Variants in DNAH9 observed in about 807,000 individuals in gnomAD.
DNAH9 encodes the protein DNAH9 variant protein.
DNAH9 carries 345 observed loss-of-function variants against 471.6 expected under a neutral mutation model. That is an observed-to-expected ratio of 0.73 (90% CI 0.67 to 0.80). DNAH9 has a LOEUF of 0.80. Among genes scored for constraint, DNAH9 ranks in the 30% least tolerant of loss-of-function variants. DNAH9 has a pLI of 0.00. For missense variants in DNAH9, 5,407 were observed against 5,609.2 expected (o/e 0.96, Z 1.15); for synonymous variants, 2,093 against 2,123.6 (o/e 0.99, Z 0.40).
Position 11,932,782 on chromosome 17 carries a change from G to A in DNAH9, c.12297+577G>A, listed in dbSNP as rs900420365. 9.2e-5 allele frequency among the ~76,000 whole-genome samples: 14 copies of A among 152,002 alleles called. No homozygotes were observed. Among genetic ancestry groups the A allele is most frequent in the East Asian group, 3.9e-4 (2 of 5,184 alleles). Reference sequence around the variant, plus strand: ...AGTCAGTCCCATGAGAGTTTGTCCCGGGCCCCACCAGACCATACCTATGTC... The same window carrying A: ...AGTCAGTCCCATGAGAGTTTGTCCCAGGCCCCACCAGACCATACCTATGTC... On this transcript the variant is annotated intron_variant, in intron 64 of 68. Coordinates refer to ENST00000262442, the MANE Select transcript of DNAH9 (RefSeq NM_001372.4). This position sits in a 1 kb window ranked among gnomAD's most constrained non-coding sequence, Gnocchi z 4.3.
intron 41 of DNAH9, among the ~76,000 whole-genome samples, chr17:11,789,497 C>G (rs1356242268): frequency 6.6e-6 from 1 of 151,880 alleles, no homozygotes; most frequent in East Asian, 1.9e-4. Flanking sequence ...TTTTAAATAT[C>G]TGCTGTATCT....
In DNAH9 at chr17:11,768,443, G is replaced by A; in HGVS notation, c.7171-10G>A. 6.2e-7 allele frequency: 1 copy of A among 1,610,886 alleles called. No homozygotes were observed. The highest frequency in any genetic ancestry group is 8.5e-7 in the Non-Finnish European group (1 of 1,177,308). On this transcript the variant is annotated splice_polypyrimidine_tract_variant and intron_variant, in intron 36 of 68. Transcript: ENST00000262442. ...AGGACCTTGTCCCCTGACTGTCTTT[G>A]TTTTTGCAGCTTGTGGACTACCGGG...
At chr17:11,788,942 T>C (rs528635666) in intron 41 of DNAH9, among the ~76,000 whole-genome samples, 3 of 152,246 alleles carry the variant, frequency 2.0e-5, no homozygotes, top group Non-Finnish European at 2.9e-5. Flanking sequence ...GTTTTAATTA[T>C]GAATATGTGT....
intron 53 of DNAH9, among the ~76,000 whole-genome samples, chr17:11,879,015 A>G (rs943879823): frequency 6.6e-5 from 10 of 152,212 alleles, no homozygotes; most frequent in African/African-American, 2.2e-4. Context: ...TCTTTCCTCA[A>G]TTAATTAGAC....
chr17:11,797,675 T>A lies in DNAH9; in HGVS notation c.8302T>A (p.Tyr2768Asn), dbSNP rs980165799. 4 of 1,614,180 alleles carry A rather than the reference T, an allele frequency of 2.5e-6. No individual in the cohort carries two copies. The highest frequency in any genetic ancestry group is 3.4e-6 in the Non-Finnish European group (4 of 1,180,038). The stretch of plus-strand genomic sequence containing the variant: ...TGCAAATGGTATTGGGGAGCCCAAA[T>A]ACATGCCTGTACAGTCTTGGGAACT... ...HFANGIGEPK[Y>N]MPVQSWELLT... Residue 2768 changes from tyrosine to asparagine, a missense_variant, in exon 43 of 69, where the codon TAC becomes AAC. This residue lies in a region of DNAH9 where 4,636 missense variants were observed against 4,900.3 expected (regional missense o/e 0.95). Coordinates refer to ENST00000262442, the MANE Select transcript of DNAH9 (RefSeq NM_001372.4).
chr17:11,887,699 A>G (rs1237381395), intron 57 of DNAH9, among the ~76,000 whole-genome samples: 1 of 151,764 alleles, frequency 6.6e-6, no homozygotes, highest in East Asian at 1.9e-4. Context: ...GAGAGACCAT[A>G]TGTATATAGA....
In DNAH9 at chr17:11,690,042, A is replaced by G. The variant is rs1024946239; in HGVS notation, c.4220A>G (p.His1407Arg). ...ATGGACCAGGACACCACCCTAGCGC[A>G]CCTGCTGCAGCTCCAGCTGCACCAC... The part of the protein sequence containing the change: ...FTMDQDTTLA[H>R]LLQLQLHHYE... Residue 1407 changes from histidine (H) to arginine (R), a missense_variant, in exon 20 of 69, where the codon CAC (histidine) becomes CGC (arginine). Around this residue, in one of 3 missense-constraint regions of DNAH9, gnomAD observed 4,636 missense variants for 4,900.3 expected, o/e 0.95. Transcript: ENST00000262442. The G allele has an allele frequency of 3.8e-5, 61 of 1,614,056 alleles. No individual in the cohort carries two copies. The highest frequency in any genetic ancestry group is 5.2e-5 in the Non-Finnish European group (61 of 1,180,026).
At chr17:11,825,359 A>G (rs890121603) in intron 48 of DNAH9, among the ~76,000 whole-genome samples, 1 of 151,896 alleles carries the variant, frequency 6.6e-6, no homozygotes, top group Non-Finnish European at 1.5e-5. Context: ...AACATTTTCC[A>G]CCAGCCCTGT....
intron 38 of DNAH9, among the ~76,000 whole-genome samples, chr17:11,777,084 T>C (rs1182011291): frequency 6.6e-6 from 1 of 152,210 alleles, no homozygotes; most frequent in Non-Finnish European, 1.5e-5. Flanking sequence ...GATATCTGTT[T>C]TATAAATATC....
chr17:11,902,893 C>G lies in DNAH9; in HGVS notation c.11581C>G (p.Arg3861Gly). ...CATGCTGAGAGCCATGCGGCCCGAC[C>G]GGATGACCTATGCTTTGCGGTAGGA... is the stretch of plus-strand genomic sequence containing the variant. ...LCMLRAMRPD[R>G]MTYALRDFVE... The change falls in exon 60 of 69, where the codon CGG (arginine) becomes GGG (glycine). Residue 3861 changes from arginine to glycine, a missense_variant. Coordinates refer to ENST00000262442, the MANE Select transcript of DNAH9 (RefSeq NM_001372.4). The G allele has an allele frequency of 3.1e-6, 5 of 1,613,504 alleles. No individual in the cohort carries two copies. The highest frequency in any genetic ancestry group is 4.2e-6 in the Non-Finnish European group (5 of 1,179,816).
chr17:11,598,565 C>CGCGGATGGGGAACCCGGCGCCGACT lies in DNAH9; in HGVS notation c.68_69insCGGATGGGGAACCCGGCGCCGACTG (p.Arg24GlyfsTer36). ...CGCGGATGGGGAACCCGGCGCCGACCGACGACTGCGACTCCTGGGGACCTA... is the reference window on the plus strand; with the variant it reads ...CGCGGATGGGGAACCCGGCGCCGACCGCGGATGGGGAACCCGGCGCCGACTGACGACTGCGACTCCTGGGGACCTA... On this transcript the variant is annotated frameshift_variant, in exon 1 of 69. Transcript: ENST00000262442. LOFTEE classifies it high-confidence loss of function. The CGCGGATGGGGAACCCGGCGCCGACT allele has an allele frequency of 7.1e-7, 1 of 1,406,370 alleles. No homozygotes were observed. 87.1% of individuals were successfully genotyped at this position (1,406,370 alleles called of 1,614,324 possible).
rs1043738093 is a variant in DNAH9 at position 11,921,208 on chromosome 17, A to G, written c.11750-2606A>G. Among the ~76,000 whole-genome samples, 16 of 151,904 alleles carry G rather than the reference A, an allele frequency of 1.1e-4. No homozygotes were observed. In the East Asian group the frequency reaches 3.1e-3, roughly 30 times the overall value. On this transcript the variant is annotated intron_variant, in intron 61 of 68. Coordinates refer to ENST00000262442, the MANE Select transcript of DNAH9 (RefSeq NM_001372.4). ...CAGTAAGGTGAGATCATGCCACTGCATTCCAGCCTGGGTGAAAAAAAAGAA... is the reference window on the plus strand; with the variant it reads ...CAGTAAGGTGAGATCATGCCACTGCGTTCCAGCCTGGGTGAAAAAAAAGAA...
intron 19 of DNAH9, among the ~76,000 whole-genome samples, chr17:11,682,501 C>A (rs1206353258): frequency 6.6e-6 from 1 of 150,940 alleles, no homozygotes; most frequent in African/African-American, 2.4e-5. Context: ...ATTTATTAAG[C>A]AGCTGCTATC....
intron 19 of DNAH9, 93 bp from the exon 20 acceptor site, chr17:11,689,473 C>A: frequency 3.8e-6 from 4 of 1,059,822 alleles, no homozygotes; most frequent in East Asian, 4.8e-5. Context: ...AAACACCAAG[C>A]ATTTAAATAT....
intron 51 of DNAH9, among the ~76,000 whole-genome samples, chr17:11,870,615 C>T (rs1056081550): frequency 2.0e-5 from 3 of 152,288 alleles, no homozygotes; most frequent in Admixed American, 1.3e-4. Context: ...CTGAACAGTT[C>T]AGTTTAGAGA....
intron 59 of DNAH9, among the ~76,000 whole-genome samples, chr17:11,901,417 C>A (rs1371894972): frequency 1.3e-5 from 2 of 152,092 alleles, no homozygotes; most frequent in Non-Finnish European, 1.5e-5. Flanking sequence ...ACACTGGGGC[C>A]GGGTGTGGTG....
In DNAH9 at chr17:11,851,417, A is replaced by G. The variant is rs530693658; in HGVS notation, c.9508-2586A>G. 1.3e-5 allele frequency among the ~76,000 whole-genome samples: 2 copies of G among 152,176 alleles called. 1 individual carries two copies. Among genetic ancestry groups the G allele is most frequent in the African/African-American group, 4.8e-5 (2 of 41,548 alleles). ...CAGGCGTGAGCCACCATGCCCAGCC[A>G]GAATTGAGATCTTGGTGGATGCAGA... On this transcript the variant is annotated intron_variant, in intron 49 of 68. Coordinates refer to ENST00000262442, the MANE Select transcript of DNAH9 (RefSeq NM_001372.4).
At position 11,923,849 on chromosome 17, in the gene DNAH9, T is replaced by C. The variant is rs757331958; in HGVS notation, c.11785T>C (p.Phe3929Leu). The stretch of plus-strand genomic sequence containing the variant: ...TGGATACACCTTCAACAATCAGAAC[T>C]TTCACAACGTGTCTTTGGGGCAAGG... ...KLGYTFNNQN[F>L]HNVSLGQGQE... Residue 3929 changes from phenylalanine to leucine, a missense_variant, in exon 62 of 69, where the codon TTT becomes CTT. Transcript: ENST00000262442. The C allele has an allele frequency of 6.2e-7, 1 of 1,614,028 alleles. No homozygotes were observed.
chr17:11,679,664 T>A, intron 17 of DNAH9, 93 bp from the exon 18 acceptor site: 2 of 897,058 alleles, frequency 2.2e-6, no homozygotes, highest in Non-Finnish European at 3.7e-6. Context: ...AGGATTTTCA[T>A]AATGATAGAT....
Sources: allele counts gnomAD v4.1 joint callset (sites outside exome capture counted in the v4.1 genomes callset), GRCh38; gene constraint gnomAD v4.1.1; regional missense constraint gnomAD v4.1.1; non-coding constraint Gnocchi (gnomAD v3.1); transcripts MANE v1.5; gene names NCBI Gene and HGNC (gene_info 2026-07-23, HGNC 2026-07-21).